TBC1D4: variants seen among roughly 807,000 people sequenced by gnomAD.
TBC1D4 encodes the protein TBC (Tre-2, BUB2, CDC16) domain-containing protein.
Under a neutral mutation model 142.5 loss-of-function variants are expected in TBC1D4, and 121 were observed. That is an observed-to-expected ratio of 0.85 (90% confidence interval 0.73 to 0.99). TBC1D4 has a LOEUF of 0.99. Among genes scored for constraint, TBC1D4 ranks in the 50% least tolerant of loss-of-function variants. The pLI is 0.00. For synonymous variants in TBC1D4, 630 were observed against 628.2 expected (o/e 1.00, Z -0.04); for missense variants, 1,475 against 1,606.6 (o/e 0.92, Z 1.40).
intron 1 of TBC1D4, among the ~76,000 whole-genome samples, chr13:75,469,696 G>C (rs1888318921): frequency 6.6e-6 from 1 of 152,052 alleles, no homozygotes; most frequent in Admixed American, 6.6e-5. Context: ...GATCACTTGA[G>C]CCCAGAAAGT....
chr13:75,349,363 T>G (rs1727308639), intron 4 of TBC1D4, 61 bp from the exon 5 acceptor site: 2 of 1,603,506 alleles, frequency 1.2e-6, no homozygotes, highest in African/African-American at 2.7e-5. Flanking sequence ...CATTCAACAT[T>G]CAACAGCAAT....
chr13:75,448,211 G>C (rs1887374972), intron 1 of TBC1D4, among the ~76,000 whole-genome samples: 1 of 152,132 alleles, frequency 6.6e-6, no homozygotes, highest in African/African-American at 2.4e-5. Flanking sequence ...TTTACTGAAT[G>C]AACGAACAAG....
chr13:75,419,191 T>A (rs956695338), intron 1 of TBC1D4, among the ~76,000 whole-genome samples: 1 of 152,226 alleles, frequency 6.6e-6, no homozygotes, highest in Non-Finnish European at 1.5e-5. Context: ...TTGCCTCAGA[T>A]AACTGCTTAA....
intron 1 of TBC1D4, among the ~76,000 whole-genome samples, chr13:75,437,475 T>C (rs1011746342): frequency 6.6e-6 from 1 of 152,236 alleles, no homozygotes; most frequent in African/African-American, 2.4e-5. Flanking sequence ...TCAATGTTTC[T>C]ATAAGTCTGA....
At chr13:75,445,052 A>G (rs1161427630) in intron 1 of TBC1D4, among the ~76,000 whole-genome samples, 1 of 152,174 alleles carries the variant, frequency 6.6e-6, no homozygotes, top group Non-Finnish European at 1.5e-5. Flanking sequence ...CAGACACTTA[A>G]CCATTGGAAG....
At chr13:75,331,805 C>A (rs1410237315) in intron 8 of TBC1D4, among the ~76,000 whole-genome samples, 1 of 142,094 alleles carries the variant, frequency 7.0e-6, no homozygotes, top group African/African-American at 2.6e-5. Flanking sequence ...AGCTAAACTC[C>A]AAAACTGGAG....
In TBC1D4 at chr13:75,391,485, T is replaced by C. The variant is rs1237135649; in HGVS notation, c.499-28878A>G. Among the ~76,000 whole-genome samples, 3 of 152,180 alleles carry C rather than the reference T, an allele frequency of 2.0e-5. No individual in the cohort carries two copies. The South Asian group carries it at 6.2e-4, about 32-fold the overall frequency. On this transcript the variant is annotated intron_variant, in intron 1 of 20. Coordinates refer to ENST00000377636, the MANE Select transcript of TBC1D4 (RefSeq NM_014832.5). ...CCCAGTCCCTATCATATTAGACCCA[T>C]GGAGTACATTTGACAGAAGAGAGCA... is the stretch of plus-strand genomic sequence containing the variant.
chr13:75,385,286 CCCTTA>C (rs1884100423), intron 1 of TBC1D4, among the ~76,000 whole-genome samples: 1 of 152,124 alleles, frequency 6.6e-6, no homozygotes, highest in Non-Finnish European at 1.5e-5. Flanking sequence ...TGTCTCATGC[CCCTTA>C]CCTATCCCAA....
At chr13:75,360,633 G>A (rs185508052) in intron 2 of TBC1D4, among the ~76,000 whole-genome samples, 3 of 151,952 alleles carry the variant, frequency 2.0e-5, no homozygotes, top group Admixed American at 6.6e-5. Flanking sequence ...GTTGAAATGG[G>A]CATACTGAGC....
chr13:75,370,462 T>G (rs960521292), intron 1 of TBC1D4, among the ~76,000 whole-genome samples: 5 of 152,182 alleles, frequency 3.3e-5, no homozygotes, highest in Admixed American at 2.0e-4. Context: ...GGTGAGCCAT[T>G]GGTAGCTCAC....
intron 1 of TBC1D4, among the ~76,000 whole-genome samples, chr13:75,383,467 T>C (rs1883977161): frequency 6.6e-6 from 1 of 152,264 alleles, no homozygotes; most frequent in African/African-American, 2.4e-5. Flanking sequence ...ATTTTGTTTT[T>C]ATCCTCATTG....
intron 1 of TBC1D4, among the ~76,000 whole-genome samples, chr13:75,461,112 CATT>C (rs1339539198): frequency 6.6e-6 from 1 of 152,204 alleles, no homozygotes; most frequent in Non-Finnish European, 1.5e-5. Context: ...TCCATACCAT[CATT>C]ATCACTGAAG....
In TBC1D4 at chr13:75,299,507, G is replaced by T; in HGVS notation, c.2979C>A (p.Asn993Lys). The change falls in exon 17 of 21, where the codon AAC becomes AAA. Residue 993 changes from asparagine to lysine, a missense_variant. Coordinates refer to ENST00000377636, the MANE Select transcript of TBC1D4 (RefSeq NM_014832.5). ...QLGPGQLSLF[N>K]LLKAYSLLDK... ...CCAGCAAAGAATAGGCTTTCAGGAGGTTAAACAGTGACAGCTGTCCTGGCC... is the reference window on the plus strand; with the variant it reads ...CCAGCAAAGAATAGGCTTTCAGGAGTTTAAACAGTGACAGCTGTCCTGGCC... 1.2e-6 allele frequency: 2 copies of T among 1,614,174 alleles called. No homozygotes were observed. The highest frequency in any genetic ancestry group is 1.1e-5 in the South Asian group (1 of 91,082).
At chr13:75,385,683 G>C (rs1012547534) in intron 1 of TBC1D4, among the ~76,000 whole-genome samples, 4 of 152,164 alleles carry the variant, frequency 2.6e-5, no homozygotes, top group Non-Finnish European at 2.9e-5. Context: ...GAGCACTTAC[G>C]TGCTGGGCAC....
chr13:75,397,975 A>C (rs747817045), intron 1 of TBC1D4, among the ~76,000 whole-genome samples: 1 of 152,226 alleles, frequency 6.6e-6, no homozygotes, highest in African/African-American at 2.4e-5. Context: ...TCCAGCAGCT[A>C]TAACAAAAGT....
In TBC1D4 at chr13:75,348,954, A is replaced by T. The variant is rs368421250; in HGVS notation, c.1408+216T>A. 2.1e-3 allele frequency among the ~76,000 whole-genome samples: 288 copies of T among 139,156 alleles called. 1 individual carries two copies. The highest frequency in any genetic ancestry group is 5.6e-3 in the African/African-American group (204 of 36,320). The allele number at this position is 139,156 out of a possible 152,430, so 91.3% of individuals were successfully genotyped here. ...GGAGAGAGAGTAGAGAGAGAGAGAG[A>T]GTGTGTGTGTGTGTGTGTGTGTGTG... On this transcript the variant is annotated intron_variant, in intron 5 of 20. Transcript: ENST00000377636.
At chr13:75,342,737 G>C (rs556266824) in intron 5 of TBC1D4, among the ~76,000 whole-genome samples, 2 of 151,914 alleles carry the variant, frequency 1.3e-5, no homozygotes, top group East Asian at 3.9e-4. Flanking sequence ...TTCTTCAAAA[G>C]AAGATTCAAA....
chr13:75,450,686 G>A (rs550433387), intron 1 of TBC1D4, among the ~76,000 whole-genome samples: 50 of 152,280 alleles, frequency 3.3e-4, no homozygotes, highest in Admixed American at 1.1e-3. Flanking sequence ...AAATAGGCAT[G>A]ATTAATTGAG....
chr13:75,297,809 G>A (rs1167911597), intron 17 of TBC1D4, among the ~76,000 whole-genome samples: 3 of 151,142 alleles, frequency 2.0e-5, no homozygotes, highest in Non-Finnish European at 4.4e-5. Context: ...AACTCTTTAG[G>A]AATAAAAAAT....
Sources: allele counts gnomAD v4.1 joint callset (sites outside exome capture counted in the v4.1 genomes callset), GRCh38; gene constraint gnomAD v4.1.1; transcripts MANE v1.5; gene names NCBI Gene and HGNC (gene_info 2026-07-23, HGNC 2026-07-21).